SCMH1: variants seen among roughly 807,000 people sequenced by gnomAD.
SCMH1 encodes the protein Scm polycomb group protein homolog 1.
Under a neutral mutation model 70.8 loss-of-function variants are expected in SCMH1, and 37 were observed. The ratio of observed to expected loss-of-function variants is 0.52; its 90% CI spans 0.40 to 0.69. The LOEUF (loss-of-function observed/expected upper bound fraction) is 0.69, where lower values mean the gene tolerates loss of function less well. SCMH1 is among the 30% of genes least tolerant of loss of function. The probability of loss-of-function intolerance (pLI) is 0.00; values close to 1 mark genes in which losing one functional copy is unlikely to be tolerated. For synonymous variants in SCMH1, 292 were observed against 307.4 expected (o/e 0.95, Z 0.52); for missense variants, 607 against 827.3 (o/e 0.73, Z 3.27).
intron 6 of SCMH1, among the ~76,000 whole-genome samples, chr1:41,127,456 C>T (rs1422693509): frequency 4.6e-5 from 7 of 152,126 alleles, no homozygotes; most frequent in Admixed American, 2.6e-4. Context: ...CTTATATAGT[C>T]ATTTTTTTAC....
intron 2 of SCMH1, 94 bp from the exon 3 acceptor site, chr1:41,161,526 G>C (rs1646031169): frequency 7.5e-7 from 1 of 1,331,606 alleles, no homozygotes; most frequent in Non-Finnish European, 1.0e-6. Context: ...TTTTAATAAA[G>C]TAATCCACTT....
At chr1:41,086,278 T>C (rs1476417679) in intron 8 of SCMH1, among the ~76,000 whole-genome samples, 6 of 152,190 alleles carry the variant, frequency 3.9e-5, no homozygotes, top group Non-Finnish European at 5.9e-5. Flanking sequence ...ACAGAATACG[T>C]AACTGACATA....
chr1:41,151,628 G>T, exon 5 of SCMH1: 1 of 1,611,040 alleles, frequency 6.2e-7, no homozygotes, highest in Non-Finnish European at 8.5e-7. Context: ...TTGAAGCAAT[G>T]GACAGGCGCT....
chr1:41,157,472 T>A (rs1488240935), intron 4 of SCMH1, among the ~76,000 whole-genome samples: 1 of 152,206 alleles, frequency 6.6e-6, no homozygotes, highest in East Asian at 1.9e-4. Flanking sequence ...AAATAAAGCA[T>A]CTAGAGAAAG....
intron 1 of SCMH1, among the ~76,000 whole-genome samples, chr1:41,228,457 T>C (rs1309871682): frequency 3.9e-5 from 6 of 152,128 alleles, no homozygotes; most frequent in East Asian, 1.9e-4. Context: ...AAACATTCTA[T>C]AAGCTACATT....
chr1:41,220,221 G>C (rs1191851544), intron 1 of SCMH1, among the ~76,000 whole-genome samples: 1 of 152,222 alleles, frequency 6.6e-6, no homozygotes, highest in Non-Finnish European at 1.5e-5. Flanking sequence ...CCCATGGCCT[G>C]CTTTAATCAC....
chr1:41,069,418 T>C (rs770124382), intron 10 of SCMH1, among the ~76,000 whole-genome samples: 6 of 152,206 alleles, frequency 3.9e-5, no homozygotes, highest in South Asian at 2.1e-4. Context: ...CCCTGGGGAA[T>C]AGTAATTGAC....
chr1:41,058,179 A>G (rs561051858), intron 10 of SCMH1, among the ~76,000 whole-genome samples: 1 of 151,556 alleles, frequency 6.6e-6, no homozygotes, highest in Non-Finnish European at 1.5e-5. Context: ...TTGGCCCATT[A>G]TTAGGTTAGA....
intron 8 of SCMH1, among the ~76,000 whole-genome samples, chr1:41,096,914 G>A (rs1665232815): frequency 1.3e-5 from 2 of 152,170 alleles, no homozygotes; most frequent in African/African-American, 4.8e-5. Flanking sequence ...ACACACATTA[G>A]CAGCAATTTC....
At chr1:41,114,876 C>T (rs927952018) in intron 7 of SCMH1, among the ~76,000 whole-genome samples, 3 of 151,954 alleles carry the variant, frequency 2.0e-5, no homozygotes, top group African/African-American at 7.3e-5. Flanking sequence ...TGGGGTTTTA[C>T]CATGTTGCCC....
At chr1:41,148,355 T>C (rs1644771514) in intron 5 of SCMH1, among the ~76,000 whole-genome samples, 1 of 152,232 alleles carries the variant, frequency 6.6e-6, no homozygotes, top group South Asian at 2.1e-4. Flanking sequence ...CATTTCTTTG[T>C]ATAGATCTGT....
chr1:41,092,727 C>A (rs1270395783), intron 8 of SCMH1, among the ~76,000 whole-genome samples: 1 of 152,198 alleles, frequency 6.6e-6, no homozygotes, highest in Non-Finnish European at 1.5e-5. Context: ...TGAACAGCCA[C>A]TTCTCAAAAG....
At chr1:41,231,819 G>T (rs964639490) in intron 1 of SCMH1, among the ~76,000 whole-genome samples, 4 of 151,986 alleles carry the variant, frequency 2.6e-5, no homozygotes, top group Non-Finnish European at 4.4e-5. Context: ...TCAGGAGTTC[G>T]AGAACAGCCC....
chr1:41,186,230 T>C, exon 2 of SCMH1: 1 of 720,302 alleles, frequency 1.4e-6, no homozygotes, highest in East Asian at 2.7e-5. Flanking sequence ...AGTCAGTTTC[T>C]TTGTATGCTA....
chr1:41,197,245 A>G (rs1386461174), intron 1 of SCMH1, among the ~76,000 whole-genome samples: 1 of 152,198 alleles, frequency 6.6e-6, no homozygotes, highest in African/African-American at 2.4e-5. Flanking sequence ...CTGTACACCA[A>G]TGTTCATAGC....
At chr1:41,047,810 C>T (rs1390749893) in intron 11 of SCMH1, among the ~76,000 whole-genome samples, 1 of 152,230 alleles carries the variant, frequency 6.6e-6, no homozygotes, top group African/African-American at 2.4e-5. Flanking sequence ...TTCCCTATTA[C>T]AGCACTTCTC....
chr1:41,140,996 CCTT>C (rs753224780), intron 6 of SCMH1, among the ~76,000 whole-genome samples: 1 of 152,106 alleles, frequency 6.6e-6, no homozygotes, highest in Non-Finnish European at 1.5e-5. Flanking sequence ...ACAAAATCCT[CCTT>C]AAATATTTTT....
chr1:41,240,739 A>C (rs1460780148), intron 1 of SCMH1, among the ~76,000 whole-genome samples: 1 of 147,832 alleles, frequency 6.8e-6, no homozygotes, highest in East Asian at 2.0e-4. Context: ...ACACTACTAA[A>C]TGTTTTCTTT....
At chr1:41,159,062 T>C (rs879266796) in intron 4 of SCMH1, among the ~76,000 whole-genome samples, 22 of 152,196 alleles carry the variant, frequency 1.4e-4, no homozygotes, top group African/African-American at 4.6e-4. Flanking sequence ...ATTCAAAATG[T>C]TGAGTTTTAA....
Sources: allele counts gnomAD v4.1 joint callset (sites outside exome capture counted in the v4.1 genomes callset), GRCh38; gene constraint gnomAD v4.1.1; transcripts MANE v1.5; gene names NCBI Gene and HGNC (gene_info 2026-07-23, HGNC 2026-07-21).